The following CNTNAP2 variants were observed in gnomAD, a reference collection of about 807,000 sequenced individuals.
CNTNAP2 encodes the protein contactin-associated protein-like 2.
Under a neutral mutation model 155.2 loss-of-function variants are expected in CNTNAP2, and 98 were observed. The ratio of observed to expected loss-of-function variants is 0.63; its 90% confidence interval spans 0.54 to 0.75. The LOEUF is 0.75. Ranked by LOEUF, CNTNAP2 falls within the 30% of genes least tolerant of loss-of-function variation. The pLI is 0.00. For synonymous variants in CNTNAP2, 651 were observed against 631.2 expected, an observed-to-expected ratio of 1.03 and a Z score of -0.47; for missense variants, 1,727 against 1,688.1, an observed-to-expected ratio of 1.02 and a Z score of -0.40.
chr7:148,226,399 T>C (rs1167363957), intron 19 of CNTNAP2, among the ~76,000 whole-genome samples: 1 of 151,402 alleles, frequency 6.6e-6, no homozygotes, highest in Admixed American at 6.6e-5. Flanking sequence ...CAGACAACCA[T>C]CAGGTGATGG....
intron 10 of CNTNAP2, among the ~76,000 whole-genome samples, chr7:147,469,526 TTTTTTTC>T (rs1215870739): frequency 0.052 from 4,904 of 93,446 alleles, 425 homozygotes; most frequent in African/African-American, 0.1. Context: ...TTTTTTTTTT[TTTTTTTC>T]TGTGAGACAA....
chr7:146,917,715 A>G lies in CNTNAP2; in HGVS notation c.402+77811A>G, dbSNP rs1796422614. On this transcript the variant is annotated intron_variant, in intron 3 of 23. Transcript: ENST00000361727. ...TTCCTGTGCTATACCCATGATGTTG[A>G]TTAAGTCTCACAAGATCTGACGGTT... 3.9e-5 allele frequency among the ~76,000 whole-genome samples: 6 copies of G among 152,018 alleles called. 1 individual carries two copies. Among genetic ancestry groups the G allele is most frequent in the Admixed American group, 3.9e-4 (6 of 15,258 alleles).
intron 1 of CNTNAP2, among the ~76,000 whole-genome samples, chr7:146,663,324 A>T (rs540991145): frequency 6.6e-6 from 1 of 151,754 alleles, no homozygotes; most frequent in South Asian, 2.1e-4. Flanking sequence ...AAAGGAAAAA[A>T]AAAGAAATCA....
chr7:146,234,175 G>A (rs1433771535), intron 1 of CNTNAP2, among the ~76,000 whole-genome samples: 1 of 151,120 alleles, frequency 6.6e-6, no homozygotes, highest in Non-Finnish European at 1.5e-5. Context: ...GTGTGAGATG[G>A]TATCTCATTG....
chr7:147,610,697 C>G (rs1236631853), intron 12 of CNTNAP2, among the ~76,000 whole-genome samples: 2 of 152,024 alleles, frequency 1.3e-5, no homozygotes, highest in African/African-American at 2.4e-5. Flanking sequence ...AGGAAACAGC[C>G]CAGGCAAACG....
chr7:147,719,335 T>C (rs1342438295), intron 13 of CNTNAP2, among the ~76,000 whole-genome samples: 1 of 152,088 alleles, frequency 6.6e-6, no homozygotes, highest in African/African-American at 2.4e-5. Flanking sequence ...CTGGTAGACA[T>C]AGCTCCAAAA....
chr7:148,116,650 C>G (rs1036909003), intron 15 of CNTNAP2, among the ~76,000 whole-genome samples: 10 of 152,084 alleles, frequency 6.6e-5, no homozygotes, highest in African/African-American at 2.4e-4. Context: ...CAAAAACAAA[C>G]AGCATTAATT....
Position 148,409,388 on chromosome 7 carries a change from C to A in CNTNAP2, c.3716-3C>A, listed in dbSNP as rs773258369. The A allele has an allele frequency of 1.3e-6, 2 of 1,558,448 alleles. No individual in the cohort carries two copies. Among genetic ancestry groups the A allele is most frequent in the Non-Finnish European group, 1.7e-6 (2 of 1,152,150 alleles). On this transcript the variant is annotated splice_polypyrimidine_tract_variant and splice_region_variant and intron_variant, in intron 22 of 23. Transcript: ENST00000361727. ...TGACACTTGACTCTTTCTTTCTCTA[C>A]AGCCAGTGCGGATTTTCCATATAAT...
intron 8 of CNTNAP2, among the ~76,000 whole-genome samples, chr7:147,209,812 A>G (rs1411653223): frequency 6.6e-6 from 1 of 151,970 alleles, no homozygotes; most frequent in Non-Finnish European, 1.5e-5. Flanking sequence ...GAATTTTATT[A>G]TAAACTTTTT....
At chr7:147,904,367 C>A (rs896709836) in intron 14 of CNTNAP2, among the ~76,000 whole-genome samples, 11 of 152,166 alleles carry the variant, frequency 7.2e-5, no homozygotes, top group Admixed American at 2.6e-4. Context: ...GTGTCAGTAA[C>A]AGATAAAGAT....
intron 13 of CNTNAP2, among the ~76,000 whole-genome samples, chr7:147,793,496 C>G (rs997489229): frequency 1.3e-5 from 2 of 152,042 alleles, no homozygotes; most frequent in African/African-American, 2.4e-5. Context: ...TTGACCATAA[C>G]TCTGAGAGTA....
intron 4 of CNTNAP2, among the ~76,000 whole-genome samples, chr7:147,061,223 T>G (rs2129262312): frequency 6.6e-6 from 1 of 152,310 alleles, no homozygotes; most frequent in African/African-American, 2.4e-5. Flanking sequence ...CAGTCAGAAA[T>G]AATGCATTGA....
chr7:146,719,324 G>C (rs191555364), intron 1 of CNTNAP2, among the ~76,000 whole-genome samples: 38 of 152,248 alleles, frequency 2.5e-4, no homozygotes, highest in Non-Finnish European at 4.1e-4. Flanking sequence ...GGCTGCTGAT[G>C]TGAGAAAATA....
chr7:148,317,526 A>G (rs1020889675), intron 21 of CNTNAP2, among the ~76,000 whole-genome samples: 5 of 144,460 alleles, frequency 3.5e-5, no homozygotes, highest in African/African-American at 9.9e-5. Flanking sequence ...GCAAGACTCC[A>G]GTCTCCAAAA....
chr7:147,687,041 GAT>G (rs1473345802), intron 13 of CNTNAP2, among the ~76,000 whole-genome samples: 1 of 151,958 alleles, frequency 6.6e-6, no homozygotes, highest in African/African-American at 2.4e-5. Context: ...ATAAATAAAA[GAT>G]AAATATTTAA....
At chr7:148,150,412 G>T (rs989666224) in intron 17 of CNTNAP2, among the ~76,000 whole-genome samples, 114 of 152,248 alleles carry the variant, frequency 7.5e-4, no homozygotes, top group African/African-American at 2.4e-3. Context: ...GCCAGGCATG[G>T]TGGTGGGTGC....
chr7:146,118,909 A>T (rs1026106893), intron 1 of CNTNAP2, among the ~76,000 whole-genome samples: 4 of 152,120 alleles, frequency 2.6e-5, no homozygotes, highest in Non-Finnish European at 5.9e-5. Context: ...TTTGAATTTA[A>T]ACTGTGTGAC....
chr7:147,774,055 A>G (rs1260731305), intron 13 of CNTNAP2, among the ~76,000 whole-genome samples: 3 of 151,866 alleles, frequency 2.0e-5, no homozygotes, highest in Non-Finnish European at 4.4e-5. Context: ...TATACACACA[A>G]CCACTTCCTT....
intron 1 of CNTNAP2, among the ~76,000 whole-genome samples, chr7:146,569,064 T>A (rs181839633): frequency 1.3e-5 from 2 of 152,128 alleles, no homozygotes; most frequent in Non-Finnish European, 2.9e-5. Context: ...TCGCCCAGGC[T>A]GGAGTGCAGT....
Sources: gnomAD v4.1 joint callset for allele counts (sites outside exome capture counted in the v4.1 genomes callset) on GRCh38, gnomAD v4.1.1 for gene constraint, MANE v1.5 for transcripts, NCBI Gene and HGNC (gene_info 2026-07-23, HGNC 2026-07-21) for gene names.